SCAPER: variants seen among roughly 807,000 people sequenced by gnomAD.
SCAPER encodes S-phase cyclin A associated protein in the ER, also known as S phase cyclin A-associated protein in the endoplasmic reticulum.
A neutral mutation model predicts 182.2 loss-of-function variants in SCAPER; 98 were observed. The observed-to-expected ratio is 0.54, with a 90% CI of 0.46 to 0.64. SCAPER has a LOEUF of 0.64. Ranked by LOEUF, SCAPER falls within the 30% of genes least tolerant of loss-of-function variation. The pLI, the probability that SCAPER is intolerant of heterozygous loss-of-function variation, is 0.00. For synonymous variants in SCAPER, 605 were observed against 564.6 expected (o/e 1.07, Z -1.01); for missense variants, 1,432 against 1,690.0 (o/e 0.85, Z 2.68).
In SCAPER at chr15:76,765,336, C is replaced by A; in HGVS notation, c.1613+1G>T. The A allele has an allele frequency of 6.2e-7, 1 of 1,607,042 alleles. No individual in the cohort carries two copies. Among genetic ancestry groups the A allele is most frequent in the Non-Finnish European group, 8.5e-7 (1 of 1,174,604 alleles). On this transcript the variant is annotated splice_donor_variant, in intron 13 of 31. Transcript: ENST00000563290. LOFTEE classifies it high-confidence loss of function. Reference sequence around the variant, plus strand: ...TTCAAATTAATTTTCAAATGCCAGACCTTTTACGAGAGGGTGAAGAAAGTT... The same window carrying A: ...TTCAAATTAATTTTCAAATGCCAGAACTTTTACGAGAGGGTGAAGAAAGTT...
intron 20 of SCAPER, among the ~76,000 whole-genome samples, chr15:76,682,408 A>T (rs937558719): frequency 6.6e-6 from 1 of 152,002 alleles, no homozygotes; most frequent in Non-Finnish European, 1.5e-5. Context: ...GCACACAGAC[A>T]TTGGCGGCCC....
intron 5 of SCAPER, among the ~76,000 whole-genome samples, chr15:76,809,813 T>C (rs752826215): frequency 5.9e-5 from 9 of 152,070 alleles, no homozygotes; most frequent in Non-Finnish European, 4.4e-5. Flanking sequence ...TATAATCAAA[T>C]TGTCAAAAGT....
intron 31 of SCAPER, chr15:76,349,093 C>A: frequency 6.3e-6 from 1 of 158,780 alleles, no homozygotes; most frequent in Non-Finnish European, 1.4e-5. Flanking sequence ...AGGCTGAAGT[C>A]GGGGGAATGC....
chr15:76,491,415 T>C (rs924145595), intron 24 of SCAPER, among the ~76,000 whole-genome samples: 1 of 152,164 alleles, frequency 6.6e-6, no homozygotes, highest in African/African-American at 2.4e-5. Context: ...TATAAATACA[T>C]ACACAAAAAT....
intron 26 of SCAPER, among the ~76,000 whole-genome samples, chr15:76,415,716 A>G (rs1451638631): frequency 6.6e-6 from 1 of 151,940 alleles, no homozygotes; most frequent in Non-Finnish European, 1.5e-5. Flanking sequence ...CACACATATA[A>G]AAAATACATG....
intron 25 of SCAPER, among the ~76,000 whole-genome samples, chr15:76,458,421 C>CATAT (rs374734503): frequency 2.0e-5 from 3 of 151,708 alleles, no homozygotes; most frequent in Non-Finnish European, 4.4e-5. Flanking sequence ...CACACACACA[C>CATAT]ACATATATAT....
chr15:76,353,032 A>G (rs2040694278), intron 30 of SCAPER, among the ~76,000 whole-genome samples: 1 of 152,158 alleles, frequency 6.6e-6, no homozygotes, highest in Non-Finnish European at 1.5e-5. Context: ...TGGAAAACAT[A>G]AACTTTGAAA....
chr15:76,791,467 G>A (rs2065002569), intron 8 of SCAPER, among the ~76,000 whole-genome samples: 1 of 152,086 alleles, frequency 6.6e-6, no homozygotes, highest in African/African-American at 2.4e-5. Context: ...GGAATTTAGG[G>A]TGCAGGGGAA....
chr15:76,761,831 T>C (rs551584095), intron 14 of SCAPER, among the ~76,000 whole-genome samples: 28 of 152,330 alleles, frequency 1.8e-4, no homozygotes, highest in African/African-American at 6.7e-4. Context: ...TTCAGCTGTT[T>C]CATTACTGAT....
At chr15:76,643,079 C>G (rs1006675176) in intron 21 of SCAPER, among the ~76,000 whole-genome samples, 1 of 152,176 alleles carries the variant, frequency 6.6e-6, no homozygotes, top group African/African-American at 2.4e-5. Flanking sequence ...ACAGGCACAT[C>G]ACCTCTATCT....
intron 8 of SCAPER, among the ~76,000 whole-genome samples, chr15:76,788,051 G>A (rs1281272936): frequency 6.6e-6 from 1 of 152,106 alleles, no homozygotes; most frequent in Non-Finnish European, 1.5e-5. Context: ...CACTGAAGAA[G>A]ATATACAATG....
chr15:76,435,948 T>C (rs1321051022), intron 25 of SCAPER, among the ~76,000 whole-genome samples: 1 of 152,206 alleles, frequency 6.6e-6, no homozygotes, highest in Non-Finnish European at 1.5e-5. Context: ...CTTTTATTTA[T>C]TGTGTGAAAA....
intron 5 of SCAPER, among the ~76,000 whole-genome samples, chr15:76,811,786 C>A (rs1325584211): frequency 1.4e-5 from 2 of 147,258 alleles, no homozygotes; most frequent in Non-Finnish European, 3.0e-5. Context: ...GAAACTCTGC[C>A]TCAAAAAATA....
chr15:76,558,945 G>A (rs182564593), intron 23 of SCAPER, among the ~76,000 whole-genome samples: 1 of 152,192 alleles, frequency 6.6e-6, no homozygotes, highest in Non-Finnish European at 1.5e-5. Context: ...ATATCCCCAC[G>A]TGTCAAGGGA....
At chr15:76,790,864 C>T (rs1352257353) in intron 8 of SCAPER, among the ~76,000 whole-genome samples, 1 of 152,100 alleles carries the variant, frequency 6.6e-6, no homozygotes, top group Non-Finnish European at 1.5e-5. Context: ...ACTTGCTTTT[C>T]TTTTCTAACT....
At chr15:76,436,249 T>C (rs899120940) in intron 25 of SCAPER, among the ~76,000 whole-genome samples, 1 of 151,944 alleles carries the variant, frequency 6.6e-6, no homozygotes, top group Non-Finnish European at 1.5e-5. Flanking sequence ...TGTATTTTCA[T>C]TAGAGACAGG....
chr15:76,732,995 C>T (rs1238632058), intron 16 of SCAPER, among the ~76,000 whole-genome samples: 2 of 152,148 alleles, frequency 1.3e-5, no homozygotes. Context: ...GCCCGTTTGT[C>T]TTGTATCCAA....
intron 25 of SCAPER, among the ~76,000 whole-genome samples, chr15:76,449,591 C>T (rs1454015631): frequency 6.6e-6 from 1 of 152,158 alleles, no homozygotes; most frequent in Admixed American, 6.5e-5. Flanking sequence ...GTTTACAGCT[C>T]TTGATATTCT....
chr15:76,418,318 C>T (rs563420660), intron 26 of SCAPER, among the ~76,000 whole-genome samples: 2 of 152,322 alleles, frequency 1.3e-5, no homozygotes, highest in South Asian at 2.1e-4. Context: ...GGACTTCTTA[C>T]AGGGAAAAAG....
Sources: gnomAD v4.1 joint callset for allele counts (sites outside exome capture counted in the v4.1 genomes callset) on GRCh38, gnomAD v4.1.1 for gene constraint, MANE v1.5 for transcripts, NCBI Gene and HGNC (gene_info 2026-07-23, HGNC 2026-07-21) for gene names.